The following LLGL2 variants were observed in gnomAD, a reference collection of about 807,000 sequenced individuals.
The protein encoded by LLGL2 is LLGL2, scribble cell polarity complex component.
A neutral mutation model predicts 123.2 loss-of-function variants in LLGL2; 81 were observed. The ratio of observed to expected loss-of-function variants is 0.66; its 90% CI spans 0.55 to 0.79. The LOEUF (loss-of-function observed/expected upper bound fraction) is 0.79. Ranked by LOEUF, LLGL2 falls within the 30% of genes least tolerant of loss-of-function variation. The pLI is 0.00. For missense variants in LLGL2, 1,273 were observed against 1,414.6 expected, an observed-to-expected ratio of 0.90 and a Z score of 1.61; for synonymous variants, 577 against 594.1, an observed-to-expected ratio of 0.97 and a Z score of 0.42.
At chr17:75,534,347 G>A (rs904020458) in intron 1 of LLGL2, among the ~76,000 whole-genome samples, 2 of 152,240 alleles carry the variant, frequency 1.3e-5, no homozygotes, top group Non-Finnish European at 2.9e-5. Flanking sequence ...AGGATAGATG[G>A]TGGGGGGAAT....
chr17:75,541,574 T>C (rs1283558696), intron 1 of LLGL2, among the ~76,000 whole-genome samples: 4 of 152,188 alleles, frequency 2.6e-5, no homozygotes, highest in Non-Finnish European at 5.9e-5. Flanking sequence ...TCCTCCAAAA[T>C]GTGAAGGCAG....
Position 75,571,732 on chromosome 17 carries a change from C to T in LLGL2, c.2242C>T (p.Arg748Cys), listed in dbSNP as rs146152295. Reference protein sequence around the residue: ...NGGTIYAFSLRVPPAERRMDE... With the variant: ...NGGTIYAFSLCVPPAERRMDE... ...GGGCACCATCTATGCCTTCTCCCTG[C>T]GTGTGCCTCCCGCCGAGCGGAGAAT... The change falls in exon 18 of 26, where the codon CGT (arginine) becomes TGT (cysteine). Residue 748 changes from arginine to cysteine, a missense_variant. Physicochemically the swap from Arg to Cys is radical, Grantham distance 180 (BLOSUM62 -3). Coordinates refer to ENST00000392550, the MANE Select transcript of LLGL2 (RefSeq NM_001031803.2). The T allele has an allele frequency of 5.7e-5, 91 of 1,609,252 alleles. No homozygotes were observed. The Middle Eastern group carries it at 1.2e-3, about 21-fold the overall frequency.
chr17:75,541,453 GC>G (rs1421693291), intron 1 of LLGL2, among the ~76,000 whole-genome samples: 1 of 152,192 alleles, frequency 6.6e-6, no homozygotes, highest in Non-Finnish European at 1.5e-5. Context: ...GGCTTTCCCA[GC>G]CGGTGCCTGT....
At chr17:75,570,625 CGCATT>C in intron 16 of LLGL2, 127 bp downstream of exon 16, 2 of 1,218,948 alleles carry the variant, frequency 1.6e-6, no homozygotes, top group Non-Finnish European at 2.2e-6. Flanking sequence ...GGGTCCAGGT[CGCATT>C]GTGTGACCTC....
chr17:75,567,913 C>A, intron 10 of LLGL2: 1 of 331,406 alleles, frequency 3.0e-6, no homozygotes, highest in Non-Finnish European at 4.3e-6. Flanking sequence ...TGTACTCCAG[C>A]CTGGGCGACA....
At position 75,564,455 on chromosome 17, in the gene LLGL2, C is replaced by T. The variant is rs770672246; in HGVS notation, c.984C>T (p.Phe328=). 31 of 1,613,420 alleles carry T rather than the reference C, an allele frequency of 1.9e-5. No individual in the cohort carries two copies. The highest frequency in any genetic ancestry group is 2.5e-5 in the Non-Finnish European group (29 of 1,180,014). Residue 328 remains phenylalanine, a synonymous_variant, in exon 10 of 26, where the codon TTC becomes TTT. Transcript: ENST00000392550. The surrounding 1 kb of genome is among the most constrained non-coding windows in gnomAD (Gnocchi z 4.9). ...IHDGQQTAFD[F]TSRVIGFTVL... Reference sequence around the variant, plus strand: ...ATGGCCAGCAGACGGCCTTCGACTTCACCTCCCGTGTCATCGGCTTCACTG... The same window carrying T: ...ATGGCCAGCAGACGGCCTTCGACTTTACCTCCCGTGTCATCGGCTTCACTG...
rs1193478575 is a variant in LLGL2 at position 75,563,466 on chromosome 17, CAG to C, written c.826+4_826+5del. 1 of 1,612,012 alleles carries C rather than the reference CAG, an allele frequency of 6.2e-7. No individual in the cohort carries two copies. Among genetic ancestry groups the C allele is most frequent in the Non-Finnish European group, 8.5e-7 (1 of 1,179,884 alleles). On this transcript the variant is annotated splice_donor_5th_base_variant and intron_variant, in intron 8 of 25. Coordinates refer to ENST00000392550, the MANE Select transcript of LLGL2 (RefSeq NM_001031803.2). ...CCTCCGCAGCCTCGTGCCTTACGGT[CAG>C]TGTTTCACCCGCCGGGCAGGGCCCA...
Position 75,575,038 on chromosome 17 carries a change from G to A in LLGL2, c.*160G>A. On this transcript the variant is annotated 3_prime_UTR_variant, in exon 26 of 26. Transcript: ENST00000392550. ...CTGCTCTGGGCCTCGGGAGAGGAGA[G>A]ACCCCAGTCCCCTGGGCTGCCCTTC... 1.0e-6 allele frequency: 1 copy of A among 1,004,360 alleles called. No homozygotes were observed. The highest frequency in any genetic ancestry group is 1.6e-6 in the Non-Finnish European group (1 of 638,122). The allele number at this position is 1,004,360 out of a possible 1,614,324, so 62.2% of individuals were successfully genotyped here. A position where few individuals can be genotyped will look rare whatever the true frequency, so the allele number is the denominator to read the frequency against.
At position 75,563,798 on chromosome 17, in the gene LLGL2, T is replaced by C. The variant is rs775747643; in HGVS notation, c.873T>C (p.Thr291=). 1.2e-6 allele frequency: 2 copies of C among 1,613,940 alleles called. No homozygotes were observed. The highest frequency in any genetic ancestry group is 3.3e-5 in the Admixed American group (2 of 60,014). The change falls in exon 9 of 26, where the codon ACT becomes ACC. Residue 291 remains threonine, a synonymous_variant. Coordinates refer to ENST00000392550, the MANE Select transcript of LLGL2 (RefSeq NM_001031803.2). ...KAITRILWLT[T]RQGLPFTIFQ... is the part of the protein sequence containing the mutation. ...TTACCAGAATCCTCTGGCTGACCACTAGGCAGGGGTAGGTATCCATGCTGG... is the reference window on the plus strand; with the variant it reads ...TTACCAGAATCCTCTGGCTGACCACCAGGCAGGGGTAGGTATCCATGCTGG...
intron 2 of LLGL2, among the ~76,000 whole-genome samples, chr17:75,548,616 C>T (rs1225085348): frequency 6.6e-6 from 1 of 151,732 alleles, no homozygotes; most frequent in Non-Finnish European, 1.5e-5. Flanking sequence ...CCTAGCCGGG[C>T]ATGGTGGCGC....
At chr17:75,562,636 T>G in intron 6 of LLGL2, 1 of 243,562 alleles carries the variant, frequency 4.1e-6, no homozygotes, top group Non-Finnish European at 8.3e-6. Flanking sequence ...TGGCACGATC[T>G]CGGCTCACTG....
chr17:75,549,601 C>A lies in LLGL2; in HGVS notation c.75+6100C>A, dbSNP rs1376176606. ...AGCCACACAGGGAGGGCCAGGCTGC[C>A]GCCACTGCCAGGAATCTGAGCTGGC... On this transcript the variant is annotated intron_variant, in intron 2 of 25. Coordinates refer to ENST00000392550, the MANE Select transcript of LLGL2 (RefSeq NM_001031803.2). The surrounding 1 kb of genome is among the most constrained non-coding windows in gnomAD (Gnocchi z 4.0). Among the ~76,000 whole-genome samples the A allele has an allele frequency of 6.6e-6, 1 of 152,226 alleles. No individual in the cohort carries two copies. The highest frequency in any genetic ancestry group is 2.4e-5 in the African/African-American group (1 of 41,454).
intron 1 of LLGL2, among the ~76,000 whole-genome samples, chr17:75,541,737 TTTTTTTTTTG>T: frequency 7.0e-6 from 1 of 143,318 alleles, no homozygotes. Flanking sequence ...TTTTTTTTTT[TTTTTTTTTTG>T]AGATACTGTT....
At position 75,558,617 on chromosome 17, in the gene LLGL2, G is replaced by A; in HGVS notation, c.361G>A (p.Gly121Arg). The A allele has an allele frequency of 1.2e-6, 2 of 1,602,238 alleles. No homozygotes were observed. Among genetic ancestry groups the A allele is most frequent in the Non-Finnish European group, 1.7e-6 (2 of 1,174,750 alleles). Residue 121 changes from glycine to arginine, a missense_variant, in exon 5 of 26, where the codon GGA (glycine) becomes AGA (arginine). Gly to Arg is a moderately radical substitution (Grantham distance 125, BLOSUM62 -2). Coordinates refer to ENST00000392550, the MANE Select transcript of LLGL2 (RefSeq NM_001031803.2). The surrounding 1 kb of genome is among the most constrained non-coding windows in gnomAD (Gnocchi z 4.0). ...LQEDESFTLR[G>R]PPGAAPSATQ... is the part of the protein sequence containing the mutation. ...GGAGGATGAGAGCTTCACACTGCGT[G>A]GACCCCCAGGGTAAGGGCTCAATCC... is the stretch of plus-strand genomic sequence containing the variant.
At chr17:75,571,852 C>G (rs748876669) in intron 18 of LLGL2, 46 bp from the exon 19 acceptor site, 1 of 1,604,400 alleles carries the variant, frequency 6.2e-7, no homozygotes, top group Non-Finnish European at 8.5e-7. Flanking sequence ...GTGGCTCCAG[C>G]CCTGCCACCC....
intron 1 of LLGL2, among the ~76,000 whole-genome samples, chr17:75,531,573 C>T (rs1232267531): frequency 6.6e-6 from 1 of 152,186 alleles, no homozygotes; most frequent in South Asian, 2.1e-4. Context: ...CCTCCTGGGG[C>T]GAGGCACGCC....
Position 75,528,209 on chromosome 17 carries a change from G to A in LLGL2, c.-31+2384G>A, listed in dbSNP as rs2053642461. Reference sequence around the variant, plus strand: ...CGGCTCACTGCAAGCTCCTCCTCCTGGGTTCACGCCATTCTCCTGCCTCGG... The same window carrying A: ...CGGCTCACTGCAAGCTCCTCCTCCTAGGTTCACGCCATTCTCCTGCCTCGG... On this transcript the variant is annotated intron_variant, in intron 1 of 25. Transcript: ENST00000392550. 2.0e-5 allele frequency among the ~76,000 whole-genome samples: 3 copies of A among 151,982 alleles called. No individual in the cohort carries two copies. The South Asian group carries it at 6.2e-4, about 32-fold the overall frequency.
At chr17:75,548,848 A>G (rs565053540) in intron 2 of LLGL2, among the ~76,000 whole-genome samples, 15 of 152,098 alleles carry the variant, frequency 9.9e-5, no homozygotes, top group African/African-American at 3.6e-4. Context: ...CTGAGTTCCA[A>G]CAGCATCATA....
intron 10 of LLGL2, among the ~76,000 whole-genome samples, chr17:75,565,458 C>A (rs1415070219): frequency 6.6e-6 from 1 of 152,218 alleles, no homozygotes; most frequent in African/African-American, 2.4e-5. Context: ...GCTTTTCTTT[C>A]TTTCTCAGCC....
Sources: gnomAD v4.1 joint callset for allele counts (sites outside exome capture counted in the v4.1 genomes callset) on GRCh38, gnomAD v4.1.1 for gene constraint, Gnocchi (gnomAD v3.1) non-coding constraint, MANE v1.5 for transcripts, NCBI Gene and HGNC (gene_info 2026-07-23, HGNC 2026-07-21) for gene names.